The following TDRD12 variants were observed in gnomAD, a reference collection of about 807,000 sequenced individuals.
The protein encoded by TDRD12 is tudor domain containing 12.
Under a neutral mutation model 133.5 loss-of-function variants are expected in TDRD12, and 158 were observed. The ratio of observed to expected loss-of-function variants is 1.18; its 90% confidence interval spans 1.04 to 1.35. The LOEUF (loss-of-function observed/expected upper bound fraction) is 1.35, where lower values mean the gene tolerates loss of function less well. Among genes scored for constraint, TDRD12 ranks in the 40% most tolerant of loss-of-function variants. TDRD12 has a pLI of 0.00. For synonymous variants in TDRD12, 460 were observed against 477.9 expected (o/e 0.96, Z 0.49); for missense variants, 1,443 against 1,321.3 (o/e 1.09, Z -1.43).
At chr19:32,815,653 T>C in intron 26 of TDRD12, 33 bp downstream of exon 26, 2 of 1,514,148 alleles carry the variant, frequency 1.3e-6, no homozygotes, top group Middle Eastern at 1.7e-4. Context: ...TTTGGAAGAG[T>C]TGTTTTTTGG....
intron 1 of TDRD12, among the ~76,000 whole-genome samples, chr19:32,724,466 C>T (rs1295068956): frequency 6.6e-6 from 1 of 152,140 alleles, no homozygotes. Context: ...TAAGTGAGAA[C>T]ATACGGTGTT....
At position 32,821,173 on chromosome 19, in the gene TDRD12, C is replaced by G; in HGVS notation, c.3524C>G (p.Ser1175Ter). 5 of 1,488,632 alleles carry G rather than the reference C, an allele frequency of 3.4e-6. No individual in the cohort carries two copies. Among genetic ancestry groups the G allele is most frequent in the Non-Finnish European group, 4.5e-6 (5 of 1,106,952 alleles). The allele number at this position is 1,488,632 out of a possible 1,614,324, so 92.2% of individuals were successfully genotyped here. Residue 1175 changes from serine (S) to a stop codon, truncating the protein, a stop_gained, in exon 28 of 28, where the codon TCA (serine) becomes TGA (stop). Coordinates refer to ENST00000444215, the Ensembl canonical transcript of TDRD12. LOFTEE classifies it high-confidence loss of function. ...TTGGTATTCAAAAGATGGTTAAGTT[C>G]AAATCGTTAATGTCTGGAAAATTGC...
intron 27 of TDRD12, among the ~76,000 whole-genome samples, chr19:32,820,782 G>A (rs771925950): frequency 1.3e-5 from 2 of 152,126 alleles, no homozygotes; most frequent in Non-Finnish European, 2.9e-5. Flanking sequence ...GAGTATGGAA[G>A]GCAAACCATC....
In TDRD12 at chr19:32,721,640, A is replaced by G. The variant is rs370300561; in HGVS notation, c.24+1544A>G. Among the ~76,000 whole-genome samples, 23 of 151,786 alleles carry G rather than the reference A, an allele frequency of 1.5e-4. 1 individual carries two copies. In the East Asian group the frequency reaches 4.1e-3, roughly 27 times the overall value. ...GGTGATCCACCTGCCTCCGCCTCCC[A>G]AAGTGCTGGGATTACAGGCGTGAGC... is the stretch of plus-strand genomic sequence containing the variant. On this transcript the variant is annotated intron_variant, in intron 1 of 27. Transcript: ENST00000444215.
chr19:32,804,457 G>A (rs946358875), intron 21 of TDRD12, among the ~76,000 whole-genome samples: 1 of 150,064 alleles, frequency 6.7e-6, no homozygotes, highest in Non-Finnish European at 1.5e-5. Context: ...ACTTCGGGAG[G>A]CCGAGGCAGG....
intron 3 of TDRD12, among the ~76,000 whole-genome samples, chr19:32,740,769 T>G (rs1969401032): frequency 6.6e-6 from 1 of 152,152 alleles, no homozygotes; most frequent in Non-Finnish European, 1.5e-5. Context: ...GAGCAGAGCT[T>G]GTACTCATGT....
chr19:32,800,401 G>C, intron 17 of TDRD12, 43 bp downstream of exon 17: 1 of 1,307,576 alleles, frequency 7.6e-7, no homozygotes, highest in Non-Finnish European at 1.0e-6. Flanking sequence ...GTGTGTGTGT[G>C]TATGTGTTGG....
At chr19:32,813,693 T>C in exon 25 of TDRD12, 4 of 1,527,562 alleles carry the variant, frequency 2.6e-6, no homozygotes, top group Non-Finnish European at 3.5e-6. Context: ...GGTTACTAGG[T>C]ACATTCATCA....
At chr19:32,780,797 T>TG (rs1394526413) in intron 11 of TDRD12, among the ~76,000 whole-genome samples, 1 of 147,610 alleles carries the variant, frequency 6.8e-6, no homozygotes, top group Non-Finnish European at 1.5e-5. Context: ...TTCCTTGGGT[T>TG]TTTTTTTTTT....
At chr19:32,790,211 G>A (rs919733961) in intron 11 of TDRD12, among the ~76,000 whole-genome samples, 3 of 152,148 alleles carry the variant, frequency 2.0e-5, no homozygotes, top group African/African-American at 7.2e-5. Context: ...TCTCCTCTCA[G>A]CAGAGGTGAC....
chr19:32,818,934 G>T (rs890267474), intron 27 of TDRD12, among the ~76,000 whole-genome samples: 2 of 152,054 alleles, frequency 1.3e-5, no homozygotes, highest in Non-Finnish European at 1.5e-5. Flanking sequence ...GTGGCCTGCT[G>T]GACTAGTGAC....
At chr19:32,741,889 A>C (rs1182141325) in intron 3 of TDRD12, among the ~76,000 whole-genome samples, 1 of 152,142 alleles carries the variant, frequency 6.6e-6, no homozygotes, top group Non-Finnish European at 1.5e-5. Flanking sequence ...CCCTACAAAG[A>C]AAAAAATGTA....
intron 1 of TDRD12, among the ~76,000 whole-genome samples, chr19:32,720,354 C>G (rs1228184698): frequency 1.4e-5 from 1 of 73,148 alleles, no homozygotes; most frequent in African/African-American, 6.1e-5. Flanking sequence ...CCCACACCTA[C>G]TCCCCACGCC....
chr19:32,721,874 A>T lies in TDRD12; in HGVS notation c.24+1778A>T, dbSNP rs982106992. On this transcript the variant is annotated intron_variant, in intron 1 of 27. Coordinates refer to ENST00000444215, the Ensembl canonical transcript of TDRD12. ...AGGCGGCCACCACCACGCCTGGCTA[A>T]TTTTTTTTTTTTTTTGTATTTTTAG... Among the ~76,000 whole-genome samples the T allele has an allele frequency of 4.4e-4, 60 of 137,310 alleles. 1 individual carries two copies. The South Asian group carries it at 0.013, about 30-fold the overall frequency. 90.1% of individuals were successfully genotyped at this position (137,310 alleles called of 152,430 possible). A position where few individuals can be genotyped will look rare whatever the true frequency, so the allele number is the denominator to read the frequency against.
intron 3 of TDRD12, among the ~76,000 whole-genome samples, chr19:32,742,574 C>A (rs1269681730): frequency 6.6e-6 from 1 of 152,016 alleles, no homozygotes; most frequent in Non-Finnish European, 1.5e-5. Context: ...CAAAAGAGTA[C>A]GATTTTTTTT....
At chr19:32,750,457 A>G (rs1969791123) in intron 6 of TDRD12, among the ~76,000 whole-genome samples, 1 of 152,240 alleles carries the variant, frequency 6.6e-6, no homozygotes, top group Admixed American at 6.5e-5. Flanking sequence ...TTTGAAATAG[A>G]CTTACAGAAG....
chr19:32,742,788 G>A (rs1185387586), exon 4 of TDRD12: 1 of 1,551,278 alleles, frequency 6.4e-7, no homozygotes, highest in Non-Finnish European at 8.7e-7. Context: ...TAGCATCCGA[G>A]TTGTAGTAGA....
chr19:32,779,880 C>G (rs537464855), intron 11 of TDRD12, among the ~76,000 whole-genome samples: 31 of 152,174 alleles, frequency 2.0e-4, no homozygotes, highest in Non-Finnish European at 4.3e-4. Context: ...TTGCCACTCA[C>G]GTCATCTCTG....
chr19:32,739,064 T>A (rs1236361160), intron 3 of TDRD12, 72 bp downstream of exon 3: 1 of 1,523,002 alleles, frequency 6.6e-7, no homozygotes, highest in African/African-American at 1.4e-5. Flanking sequence ...AACGTCCATT[T>A]TAAAGTACGG....
Sources: allele counts gnomAD v4.1 joint callset (sites outside exome capture counted in the v4.1 genomes callset), GRCh38; gene constraint gnomAD v4.1.1; transcripts MANE v1.5; gene names NCBI Gene and HGNC (gene_info 2026-07-23, HGNC 2026-07-21).